Variants in CHLSN observed in about 807,000 individuals in gnomAD.
CHLSN encodes the protein cholesin, also known as protein cholesin.
the CHLSN span, among the ~76,000 whole-genome samples, chr7:986,168 G>A: frequency 6.6e-6 from 1 of 152,172 alleles, no homozygotes; most frequent in Non-Finnish European, 1.5e-5. Context: ...GCCCCAGGAA[G>A]GCGAGTGGCA....
At chr7:1,121,555 C>G in the CHLSN span, among the ~76,000 whole-genome samples, 1 of 152,218 alleles carries the variant, frequency 6.6e-6, no homozygotes, top group South Asian at 2.1e-4. Context: ...TTCAAGATTA[C>G]AAAAGCAGCA....
the CHLSN span, among the ~76,000 whole-genome samples, chr7:990,726 T>C: frequency 6.6e-6 from 1 of 152,136 alleles, no homozygotes; most frequent in Non-Finnish European, 1.5e-5. Flanking sequence ...GAGCGAGTGC[T>C]GGCTTCACTA....
chr7:1,011,297 ACC>A, the CHLSN span, among the ~76,000 whole-genome samples: 15 of 137,708 alleles, frequency 1.1e-4, no homozygotes, highest in African/African-American at 4.1e-4. Context: ...ATAGACCAAC[ACC>A]CACACGCCCA....
the CHLSN span, among the ~76,000 whole-genome samples, chr7:1,068,015 C>T: frequency 1.3e-5 from 2 of 152,172 alleles, no homozygotes; most frequent in Non-Finnish European, 2.9e-5. Flanking sequence ...CCCAGAGCTG[C>T]GTTTGGACGC....
At chr7:1,002,223 G>C in the CHLSN span, among the ~76,000 whole-genome samples, 1 of 91,952 alleles carries the variant, frequency 1.1e-5, no homozygotes, top group Non-Finnish European at 2.1e-5. Flanking sequence ...GGAGTCCTGC[G>C]GGTGAGTGGA....
the CHLSN span, chr7:984,482 T>A: frequency 6.4e-7 from 1 of 1,551,906 alleles, no homozygotes; most frequent in African/African-American, 1.4e-5. Flanking sequence ...CTGACGGGGT[T>A]CGAGGCGGTC....
At chr7:1,032,854 C>G in the CHLSN span, among the ~76,000 whole-genome samples, 1 of 152,234 alleles carries the variant, frequency 6.6e-6, no homozygotes, top group African/African-American at 2.4e-5. Flanking sequence ...AGCGCCTCTG[C>G]CCCAAGCATC....
At chr7:1,041,038 C>T in the CHLSN span, among the ~76,000 whole-genome samples, 1 of 152,256 alleles carries the variant, frequency 6.6e-6, no homozygotes, top group African/African-American at 2.4e-5. Flanking sequence ...GCACCTCCCA[C>T]GTTCCCTGTG....
At chr7:1,099,467 A>G in the CHLSN span, among the ~76,000 whole-genome samples, 1 of 152,274 alleles carries the variant, frequency 6.6e-6, no homozygotes, top group Non-Finnish European at 1.5e-5. Flanking sequence ...GACGCCATCC[A>G]GCATTTATTG....
At chr7:1,130,101 A>G in the CHLSN span, among the ~76,000 whole-genome samples, 2 of 152,108 alleles carry the variant, frequency 1.3e-5, no homozygotes, top group Admixed American at 1.3e-4. Context: ...TGAGTGGGCA[A>G]GGAGCATGGA....
chr7:1,039,374 A>G, the CHLSN span, among the ~76,000 whole-genome samples: 2 of 38,148 alleles, frequency 5.2e-5, no homozygotes, highest in African/African-American at 1.1e-4. Context: ...TGGGGGTGTC[A>G]GCCCCCCGCC....
At chr7:1,084,537 G>T in the CHLSN span, among the ~76,000 whole-genome samples, 1 of 152,246 alleles carries the variant, frequency 6.6e-6, no homozygotes, top group Non-Finnish European at 1.5e-5. Context: ...TGGGGGAGAA[G>T]CGAATGAGCC....
chr7:1,034,296 A>G, the CHLSN span, among the ~76,000 whole-genome samples: 3 of 152,362 alleles, frequency 2.0e-5, no homozygotes, highest in South Asian at 2.1e-4. Flanking sequence ...GGAGAGACAC[A>G]TTGTGTTAAT....
At chr7:1,113,505 T>C in the CHLSN span, among the ~76,000 whole-genome samples, 88,424 of 152,034 alleles carry the variant, frequency 0.58, 26,852 homozygotes, top group African/African-American at 0.76. Flanking sequence ...GAGAAGATTC[T>C]GTAAGCATCA....
the CHLSN span, among the ~76,000 whole-genome samples, chr7:1,100,853 T>C: frequency 6.6e-6 from 1 of 152,002 alleles, no homozygotes; most frequent in African/African-American, 2.4e-5. Context: ...AAAGGACAGC[T>C]GCGTCTACAT....
At chr7:1,063,133 C>T in the CHLSN span, among the ~76,000 whole-genome samples, 4 of 152,200 alleles carry the variant, frequency 2.6e-5, no homozygotes, top group African/African-American at 9.7e-5. Flanking sequence ...CCATCCTGCT[C>T]AGCCACCTTG....
the CHLSN span, chr7:986,447 C>T: frequency 2.9e-6 from 2 of 688,458 alleles, no homozygotes; most frequent in South Asian, 3.8e-5. Flanking sequence ...CAGGGGGTTT[C>T]CTGGCAGTTC....
the CHLSN span, among the ~76,000 whole-genome samples, chr7:1,036,312 G>C: frequency 9.1e-3 from 1,374 of 151,782 alleles, 20 homozygotes; most frequent in African/African-American, 0.031. Context: ...TGCTGTGGCC[G>C]TGCAGGGTTC....
the CHLSN span, among the ~76,000 whole-genome samples, chr7:978,928 G>A: frequency 6.6e-6 from 1 of 152,236 alleles, no homozygotes. Flanking sequence ...CACGTGGCTG[G>A]CAGGCAGGTG....
Sources: allele counts gnomAD v4.1 joint callset (sites outside exome capture counted in the v4.1 genomes callset), GRCh38; gene constraint gnomAD v4.1.1; transcripts MANE v1.5; gene names NCBI Gene and HGNC (gene_info 2026-07-23, HGNC 2026-07-21).